Variants in ARHGAP39 observed in about 807,000 individuals in gnomAD.
ARHGAP39 encodes the protein rho GTPase-activating protein 39.
In ARHGAP39, 44 loss-of-function variants were observed where a neutral mutation model predicts 106.9. The observed-to-expected ratio is 0.41, with a 90% CI of 0.32 to 0.53. The LOEUF (loss-of-function observed/expected upper bound fraction) is 0.53, where lower values mean the gene tolerates loss of function less well. Among genes scored for constraint, ARHGAP39 ranks in the 20% least tolerant of loss-of-function variants. The pLI is 0.21. For synonymous variants in ARHGAP39, 768 were observed against 693.2 expected (o/e 1.11, Z -1.69); for missense variants, 1,496 against 1,577.3 (o/e 0.95, Z 0.87).
chr8:144,537,860 A>G (rs989491188), intron 6 of ARHGAP39, 47 bp from the exon 7 acceptor site: 1 of 1,566,758 alleles, frequency 6.4e-7, no homozygotes, highest in East Asian at 2.2e-5. Context: ...AAACGCCAGG[A>G]GCCAGCGCCC....
In ARHGAP39 at chr8:144,547,343, G is replaced by C. The variant is rs371749298; in HGVS notation, c.1743C>G (p.Asp581Glu). 1 of 1,605,476 alleles carries C rather than the reference G, an allele frequency of 6.2e-7. No homozygotes were observed. The highest frequency in any genetic ancestry group is 8.5e-7 in the Non-Finnish European group (1 of 1,178,274). ...CGCCGTCGCTCTCGTAGCCAGAGCC[G>C]TCCTGCTGGGAGTCCCAGCTGCTCC... ...KQRSSWDSQQ[D>E]GSGYESDGAL... Residue 581 changes from aspartate to glutamate, a missense_variant, in exon 5 of 12, where the codon GAC (aspartate) becomes GAG (glutamate). By Grantham distance (45) the Asp-to-Glu change is conservative. Around this residue, in one of 4 missense-constraint regions of ARHGAP39, gnomAD observed 905 missense variants for 816.4 expected, o/e 1.11. Transcript: ENST00000377307. The surrounding 1 kb of genome is among the most constrained non-coding windows in gnomAD (Gnocchi z 5.2).
chr8:144,534,303 G>T, intron 7 of ARHGAP39, 101 bp from the exon 8 acceptor site: 2 of 1,366,456 alleles, frequency 1.5e-6, no homozygotes, highest in African/African-American at 1.4e-5. Flanking sequence ...CTGGGGGGCT[G>T]GGCTGGCCTT....
chr8:144,598,732 G>C (rs1819726221), intron 2 of ARHGAP39, among the ~76,000 whole-genome samples: 1 of 152,212 alleles, frequency 6.6e-6, no homozygotes, highest in African/African-American at 2.4e-5. Flanking sequence ...CAGTCACCTG[G>C]ATGGAGGTGA....
chr8:144,622,326 A>G (rs1329177751), intron 1 of ARHGAP39, among the ~76,000 whole-genome samples: 1 of 151,992 alleles, frequency 6.6e-6, no homozygotes, highest in Non-Finnish European at 1.5e-5. Flanking sequence ...GAAAAACTTC[A>G]GCAATGTCCT....
chr8:144,606,598 AAGG>A (rs1025837419), intron 1 of ARHGAP39, among the ~76,000 whole-genome samples: 9 of 151,938 alleles, frequency 5.9e-5, no homozygotes, highest in East Asian at 3.9e-4. Context: ...TAGTTAAGAG[AAGG>A]AGGAGGAGAA....
intron 1 of ARHGAP39, among the ~76,000 whole-genome samples, chr8:144,651,457 T>A (rs978561723): frequency 9.2e-5 from 14 of 152,146 alleles, no homozygotes; most frequent in African/African-American, 3.4e-4. Flanking sequence ...AATCCTAGCA[T>A]GTTGGGAGGC....
At chr8:144,654,325 C>T (rs538675214) in intron 1 of ARHGAP39, among the ~76,000 whole-genome samples, 7 of 151,678 alleles carry the variant, frequency 4.6e-5, no homozygotes, top group South Asian at 4.2e-4. Flanking sequence ...GGCAACATGG[C>T]GAAACCCCAT....
At position 144,547,279 on chromosome 8, in the gene ARHGAP39, A is replaced by C. The variant is rs1282820783; in HGVS notation, c.1807T>G (p.Phe603Val). ...LPMPGPVVRA[F>V]SEDEALAQQE... Reference sequence around the variant, plus strand: ...TGGGCCAGCGCCTCGTCCTCGCTGAAGGCCCGCACCACCGGCCCGGGCATG... The same window carrying C: ...TGGGCCAGCGCCTCGTCCTCGCTGACGGCCCGCACCACCGGCCCGGGCATG... Residue 603 changes from phenylalanine to valine, a missense_variant, in exon 5 of 12, where the codon TTC becomes GTC. Phe to Val is a conservative substitution (Grantham distance 50, BLOSUM62 -1). This residue lies in a region of ARHGAP39 where 905 missense variants were observed against 816.4 expected (regional missense o/e 1.11). Transcript: ENST00000377307. The surrounding 1 kb of genome is among the most constrained non-coding windows in gnomAD (Gnocchi z 5.2). 1.9e-6 allele frequency: 3 copies of C among 1,612,182 alleles called. No individual in the cohort carries two copies. In the African/African-American group the frequency reaches 4.0e-5, roughly 22 times the overall value.
intron 1 of ARHGAP39, among the ~76,000 whole-genome samples, chr8:144,677,241 T>C (rs1057360427): frequency 6.6e-6 from 1 of 152,266 alleles, no homozygotes; most frequent in Non-Finnish European, 1.5e-5. Flanking sequence ...ATGGACAAGC[T>C]TCTGCGTGGA....
intron 4 of ARHGAP39, among the ~76,000 whole-genome samples, chr8:144,554,248 G>A (rs1030243191): frequency 2.6e-5 from 4 of 152,194 alleles, no homozygotes; most frequent in African/African-American, 4.8e-5. Flanking sequence ...GAAGGAGGCC[G>A]AGCCACCAGA....
At chr8:144,582,581 G>C (rs1359835675) in intron 2 of ARHGAP39, among the ~76,000 whole-genome samples, 3 of 152,238 alleles carry the variant, frequency 2.0e-5, no homozygotes, top group Non-Finnish European at 4.4e-5. Flanking sequence ...TCTGTGTTTG[G>C]ATGCCACAGG....
At position 144,670,393 on chromosome 8, in the gene ARHGAP39, C is replaced by T. The variant is rs1563731796; in HGVS notation, c.-82+15293G>A. On this transcript the variant is annotated intron_variant, in intron 1 of 11. Coordinates refer to ENST00000377307, the MANE Select transcript of ARHGAP39 (RefSeq NM_025251.3). This position sits in a 1 kb window ranked among gnomAD's most constrained non-coding sequence, Gnocchi z 4.4. ...TCACCGGGCCATCGAGCCTCTGAAT[C>T]CCACACCTCTGCCATCTCCCCTCAG... Among the ~76,000 whole-genome samples the T allele has an allele frequency of 6.6e-6, 1 of 152,202 alleles. No homozygotes were observed. Among genetic ancestry groups the T allele is most frequent in the African/African-American group, 2.4e-5 (1 of 41,436 alleles).
Position 144,548,310 on chromosome 8 carries a change from G to C in ARHGAP39, c.776C>G (p.Pro259Arg), listed in dbSNP as rs779714249. The C allele has an allele frequency of 9.3e-6, 15 of 1,608,396 alleles. No individual in the cohort carries two copies. The African/African-American group carries it at 1.5e-4, about 16-fold the overall frequency. Residue 259 changes from proline (P) to arginine (R), a missense_variant, in exon 5 of 12, where the codon CCG (proline) becomes CGG (arginine). Physicochemically the swap from Pro to Arg is moderately radical, Grantham distance 103. Transcript: ENST00000377307. This position sits in a 1 kb window ranked among gnomAD's most constrained non-coding sequence, Gnocchi z 7.4. ...GAAGAAGATGGTGCCGTCAGCCTCC[G>C]GGGCGAAGGTCTGCAGGCTGGGTGA... ...QHSPSLQTFAPEADGTIFFPE... is the reference protein window; with the variant it reads ...QHSPSLQTFAREADGTIFFPE...
At position 144,547,996 on chromosome 8, in the gene ARHGAP39, G is replaced by T. The variant is rs746036901; in HGVS notation, c.1090C>A (p.Pro364Thr). The T allele has an allele frequency of 2.0e-5, 32 of 1,610,074 alleles. No individual in the cohort carries two copies. Among genetic ancestry groups the T allele is most frequent in the Middle Eastern group, 1.6e-4 (1 of 6,082 alleles). The part of the protein sequence containing the change: ...RPFLQPNKQG[P>T]PSPCQQLVLT... ...ACCAGCTGCTGGCAGGGCGAGGGGG[G>T]GCCCTGCTTGTTGGGCTGGAGGAAC... The change falls in exon 5 of 12, where the codon CCC becomes ACC. Residue 364 changes from proline to threonine, a missense_variant. Physicochemically the swap from Pro to Thr is conservative, Grantham distance 38. Around this residue, in one of 4 missense-constraint regions of ARHGAP39, gnomAD observed 905 missense variants for 816.4 expected, o/e 1.11. Transcript: ENST00000377307. The surrounding 1 kb of genome is among the most constrained non-coding windows in gnomAD (Gnocchi z 5.2).
At chr8:144,558,004 A>G (rs1818009263) in intron 3 of ARHGAP39, among the ~76,000 whole-genome samples, 1 of 152,252 alleles carries the variant, frequency 6.6e-6, no homozygotes, top group South Asian at 2.1e-4. Context: ...AGCAGTGCGG[A>G]GAGACCTCAC....
At chr8:144,573,186 A>G (rs1818645323) in intron 3 of ARHGAP39, among the ~76,000 whole-genome samples, 1 of 152,232 alleles carries the variant, frequency 6.6e-6, no homozygotes, top group African/African-American at 2.4e-5. Flanking sequence ...CACAATAGCA[A>G]AGACTTGGAA....
At chr8:144,630,581 TCTC>T (rs1821035656) in intron 1 of ARHGAP39, among the ~76,000 whole-genome samples, 1 of 152,214 alleles carries the variant, frequency 6.6e-6, no homozygotes, top group African/African-American at 2.4e-5. Flanking sequence ...CTTCCTAGAC[TCTC>T]CTCTTCATTT....
At chr8:144,537,851 A>T (rs1462790322) in intron 6 of ARHGAP39, 38 bp from the exon 7 acceptor site, 1 of 1,590,470 alleles carries the variant, frequency 6.3e-7, no homozygotes, top group Non-Finnish European at 8.6e-7. Context: ...GACAGAACAA[A>T]ACGCCAGGAG....
chr8:144,553,292 G>A (rs1393987030), intron 4 of ARHGAP39, among the ~76,000 whole-genome samples: 2 of 152,180 alleles, frequency 1.3e-5, no homozygotes, highest in African/African-American at 4.8e-5. Flanking sequence ...GTAAGTTCCC[G>A]CTTTCCAGAA....
Sources: gnomAD v4.1 joint callset for allele counts (sites outside exome capture counted in the v4.1 genomes callset) on GRCh38, gnomAD v4.1.1 for gene constraint, gnomAD v4.1.1 regional missense constraint, Gnocchi (gnomAD v3.1) non-coding constraint, MANE v1.5 for transcripts, NCBI Gene and HGNC (gene_info 2026-07-23, HGNC 2026-07-21) for gene names.